Variants in QTGAL observed in about 807,000 individuals in gnomAD.
QTGAL encodes queuosine-tRNA galactosyltransferase, also known as BGnT-like protein 1.
At chr17:83,016,019 G>T in the QTGAL span, among the ~76,000 whole-genome samples, 15 of 152,204 alleles carry the variant, frequency 9.9e-5, no homozygotes, top group African/African-American at 3.1e-4. Flanking sequence ...GGAAGTCGAG[G>T]TGGGGGCATG....
chr17:82,996,764 T>C, the QTGAL span, among the ~76,000 whole-genome samples: 1 of 152,224 alleles, frequency 6.6e-6, no homozygotes, highest in African/African-American at 2.4e-5. Flanking sequence ...GAACTCATTT[T>C]TGACAAACAT....
the QTGAL span, chr17:82,961,009 G>A: frequency 5.3e-5 from 84 of 1,578,428 alleles, no homozygotes; most frequent in South Asian, 1.0e-4. Flanking sequence ...GGCGCCTCCC[G>A]TGTTCCTGGC....
At chr17:83,040,434 A>T in the QTGAL span, among the ~76,000 whole-genome samples, 10 of 152,332 alleles carry the variant, frequency 6.6e-5, no homozygotes, top group Admixed American at 5.9e-4. Context: ...ATCTATTACA[A>T]TCAAAGCTAA....
the QTGAL span, among the ~76,000 whole-genome samples, chr17:82,954,417 G>A: frequency 6.6e-6 from 1 of 151,790 alleles, no homozygotes; most frequent in Non-Finnish European, 1.5e-5. Context: ...AAAATACCTA[G>A]GAATACAACT....
At chr17:83,020,997 T>C in the QTGAL span, among the ~76,000 whole-genome samples, 10 of 152,358 alleles carry the variant, frequency 6.6e-5, no homozygotes, top group East Asian at 1.7e-3. Flanking sequence ...TACATTGTGT[T>C]CCACACGAGT....
chr17:82,965,861 C>T, the QTGAL span: 1 of 1,106,812 alleles, frequency 9.0e-7, no homozygotes, highest in Non-Finnish European at 1.3e-6. Context: ...CGTGTCCCTT[C>T]TCCACAGGGT....
the QTGAL span, among the ~76,000 whole-genome samples, chr17:82,991,897 CT>C: frequency 6.6e-6 from 1 of 151,936 alleles, no homozygotes; most frequent in African/African-American, 2.4e-5. Context: ...AATTCTGGAG[CT>C]GAAAAATGCA....
At chr17:83,018,852 G>A in the QTGAL span, among the ~76,000 whole-genome samples, 1 of 152,206 alleles carries the variant, frequency 6.6e-6, no homozygotes, top group Admixed American at 6.5e-5. Flanking sequence ...TCCAGAGGCC[G>A]CACTGACTCC....
the QTGAL span, among the ~76,000 whole-genome samples, chr17:83,040,076 T>C: frequency 6.6e-6 from 1 of 152,218 alleles, no homozygotes; most frequent in Non-Finnish European, 1.5e-5. Flanking sequence ...CACCCATTCC[T>C]GAGCACATTC....
the QTGAL span, among the ~76,000 whole-genome samples, chr17:83,023,551 T>C: frequency 6.6e-6 from 1 of 152,250 alleles, no homozygotes; most frequent in African/African-American, 2.4e-5. Context: ...CTCACTCAGC[T>C]AGCAACACCT....
At chr17:82,947,117 G>GAGAGGCTGGAAGGAGAC in the QTGAL span, 1 of 701,856 alleles carries the variant, frequency 1.4e-6, no homozygotes, top group Admixed American at 2.9e-5. Flanking sequence ...GCTAATAGCG[G>GAGAGGCTGGAAGGAGAC]AGAGGCTGGA....
the QTGAL span, among the ~76,000 whole-genome samples, chr17:83,015,734 C>T: frequency 8.5e-5 from 13 of 152,230 alleles, no homozygotes; most frequent in Admixed American, 8.5e-4. This position sits in a 1 kb window ranked among gnomAD's most constrained non-coding sequence, Gnocchi z 4.4. Context: ...GCAGCGGCTG[C>T]ATTAGACCCT....
the QTGAL span, among the ~76,000 whole-genome samples, chr17:83,029,931 G>A: frequency 2.0e-5 from 3 of 152,108 alleles, no homozygotes; most frequent in Non-Finnish European, 4.4e-5. Flanking sequence ...CTGCTTTCTC[G>A]AATAAATCTG....
chr17:82,970,648 T>TGGCCGTGACCTCCCCACCCGGC, the QTGAL span, among the ~76,000 whole-genome samples: 1 of 33,536 alleles, frequency 3.0e-5, no homozygotes, highest in African/African-American at 1.3e-4. Flanking sequence ...CCGCACCCGG[T>TGGCCGTGACCTCCCCACCCGGC]GTGGCCGCGA....
the QTGAL span, among the ~76,000 whole-genome samples, chr17:82,983,491 T>TA: frequency 3.9e-5 from 6 of 152,198 alleles, no homozygotes; most frequent in Non-Finnish European, 5.9e-5. Flanking sequence ...GGGCACGCGT[T>TA]AGAGACACAC....
chr17:83,017,917 C>T, the QTGAL span, among the ~76,000 whole-genome samples: 1 of 151,706 alleles, frequency 6.6e-6, no homozygotes, highest in Admixed American at 6.6e-5. Context: ...CACACGTGCT[C>T]CACAAACACG....
the QTGAL span, among the ~76,000 whole-genome samples, chr17:82,971,498 G>A: frequency 4.3e-4 from 65 of 152,148 alleles, no homozygotes; most frequent in Middle Eastern, 6.8e-3. Context: ...TGGGGCCTCC[G>A]AGTGGGAAAC....
At chr17:83,046,223 G>A in the QTGAL span, among the ~76,000 whole-genome samples, 5 of 152,266 alleles carry the variant, frequency 3.3e-5, no homozygotes, top group Admixed American at 1.3e-4. Context: ...TCTGCCTCCC[G>A]GGTTCAAGCG....
At chr17:83,048,802 A>G in the QTGAL span, 1 of 1,596,620 alleles carries the variant, frequency 6.3e-7, no homozygotes, top group Non-Finnish European at 8.6e-7. Flanking sequence ...TTCAAAAGAA[A>G]TGGATTAACA....
Sources: gnomAD v4.1 joint callset for allele counts (sites outside exome capture counted in the v4.1 genomes callset) on GRCh38, gnomAD v4.1.1 for gene constraint, Gnocchi (gnomAD v3.1) non-coding constraint, MANE v1.5 for transcripts, NCBI Gene and HGNC (gene_info 2026-07-23, HGNC 2026-07-21) for gene names.